CDH18: variants seen among roughly 807,000 people sequenced by gnomAD.
CDH18 encodes cadherin 18, also known as cadherin-18.
CDH18 carries 31 observed loss-of-function variants against 67.9 expected under a neutral mutation model. The observed-to-expected ratio is 0.46, with a 90% CI of 0.34 to 0.62. CDH18 has a LOEUF of 0.62. Among genes scored for constraint, CDH18 ranks in the 20% least tolerant of loss-of-function variants. The probability of loss-of-function intolerance (pLI) is 0.01; values close to 1 mark genes in which losing one functional copy is unlikely to be tolerated. For missense variants in CDH18, 890 were observed against 975.5 expected (o/e 0.91, Z 1.17); for synonymous variants, 362 against 347.2 (o/e 1.04, Z -0.48).
chr5:20,453,497 A>G (rs1378301996), intron 1 of CDH18, among the ~76,000 whole-genome samples: 1 of 152,044 alleles, frequency 6.6e-6, no homozygotes, highest in Non-Finnish European at 1.5e-5. Context: ...AGTGCAGAAG[A>G]AAGAAATAAT....
chr5:19,567,356 A>C (rs1233228710), intron 8 of CDH18, among the ~76,000 whole-genome samples: 1 of 152,228 alleles, frequency 6.6e-6, no homozygotes, highest in East Asian at 1.9e-4. Context: ...ACTGAAGTAC[A>C]AAAGTACAAT....
intron 3 of CDH18, among the ~76,000 whole-genome samples, chr5:19,754,310 G>GA (rs903970156): frequency 1.3e-5 from 2 of 152,046 alleles, no homozygotes; most frequent in East Asian, 1.9e-4. Context: ...GTAAAGTGGT[G>GA]AAAAAAAGAC....
Position 20,172,219 on chromosome 5 carries a change from T to TACAC in CDH18, c.-518+83224_-518+83225insGTGT, listed in dbSNP as rs1736843113. On this transcript the variant is annotated intron_variant, in intron 2 of 14. Coordinates refer to the CDH18 transcript ENST00000507958. ...ATATATATATATATATATATATATA[T>TACAC]ATATGTATATATATATATATGTATA... 3.5e-5 allele frequency among the ~76,000 whole-genome samples: 3 copies of TACAC among 84,550 alleles called. No homozygotes were observed. In the South Asian group the frequency reaches 1.2e-3, roughly 34 times the overall value. The allele number at this position is 84,550 out of a possible 152,430, so 55.5% of individuals were successfully genotyped here. A position where few individuals can be genotyped will look rare whatever the true frequency, so the allele number is the denominator to read the frequency against.
At chr5:20,221,841 C>T (rs924734758) in intron 2 of CDH18, among the ~76,000 whole-genome samples, 1 of 152,128 alleles carries the variant, frequency 6.6e-6, no homozygotes, top group African/African-American at 2.4e-5. Context: ...ATAACCTTTT[C>T]CAGGACCTTT....
intron 3 of CDH18, among the ~76,000 whole-genome samples, chr5:19,832,028 T>C (rs1046370763): frequency 2.6e-5 from 4 of 152,122 alleles, no homozygotes; most frequent in Non-Finnish European, 4.4e-5. Flanking sequence ...ATATGTATTC[T>C]CACTTGTAAG....
intron 2 of CDH18, among the ~76,000 whole-genome samples, chr5:19,851,614 T>A (rs1438797953): frequency 6.6e-6 from 1 of 151,824 alleles, no homozygotes; most frequent in Non-Finnish European, 1.5e-5. Flanking sequence ...ATCTAACAGT[T>A]TTTTGCCACA....
chr5:20,101,880 T>A lies in CDH18; in HGVS notation c.-517-109866A>T, dbSNP rs1200973122. Among the ~76,000 whole-genome samples, 4 of 152,162 alleles carry A rather than the reference T, an allele frequency of 2.6e-5. No individual in the cohort carries two copies. The East Asian group carries it at 7.7e-4, about 29-fold the overall frequency. On this transcript the variant is annotated intron_variant, in intron 2 of 14. Transcript: ENST00000507958. ...CAAGGTCAGGAGTTCGAGGCCATCC[T>A]GGCCAACATGGTGAAACCCCGTCTC... is the stretch of plus-strand genomic sequence containing the variant.
At chr5:20,095,874 T>A (rs1745948934) in intron 2 of CDH18, among the ~76,000 whole-genome samples, 1 of 151,260 alleles carries the variant, frequency 6.6e-6, no homozygotes, top group South Asian at 2.1e-4. Context: ...AATAAAATAA[T>A]TTAAATTAAA....
At chr5:20,504,080 C>A (rs1754510037) in intron 1 of CDH18, among the ~76,000 whole-genome samples, 1 of 151,152 alleles carries the variant, frequency 6.6e-6, no homozygotes, top group Non-Finnish European at 1.5e-5. Context: ...ACTGCTGCTA[C>A]AAAATTATTT....
At chr5:19,749,000 G>A (rs1382753526) in intron 3 of CDH18, among the ~76,000 whole-genome samples, 1 of 152,058 alleles carries the variant, frequency 6.6e-6, no homozygotes, top group East Asian at 1.9e-4. Context: ...CACTTCATTA[G>A]TAAATTGGAT....
intron 3 of CDH18, among the ~76,000 whole-genome samples, chr5:19,788,772 A>G (rs533259197): frequency 6.0e-4 from 92 of 152,316 alleles, no homozygotes; most frequent in African/African-American, 2.1e-3. Flanking sequence ...TTAAATACCA[A>G]TACATTATAG....
intron 2 of CDH18, among the ~76,000 whole-genome samples, chr5:20,104,034 A>T (rs1489716900): frequency 6.6e-6 from 1 of 151,004 alleles, no homozygotes; most frequent in Non-Finnish European, 1.5e-5. Context: ...TATCATTATG[A>T]ATATGACTAT....
At chr5:20,077,712 C>T (rs1744071126) in intron 2 of CDH18, among the ~76,000 whole-genome samples, 1 of 152,120 alleles carries the variant, frequency 6.6e-6, no homozygotes, top group Non-Finnish European at 1.5e-5. Flanking sequence ...TTTACTAAAG[C>T]TCTGCTTAAA....
chr5:19,814,357 T>A (rs1415480048), intron 3 of CDH18, among the ~76,000 whole-genome samples: 1 of 150,516 alleles, frequency 6.6e-6, no homozygotes, highest in African/African-American at 2.4e-5. Context: ...AATTATGTCC[T>A]AAAAAAAAAC....
intron 3 of CDH18, among the ~76,000 whole-genome samples, chr5:19,786,125 T>A (rs1775752229): frequency 6.6e-6 from 1 of 152,162 alleles, no homozygotes; most frequent in Non-Finnish European, 1.5e-5. Flanking sequence ...ATGCATATAT[T>A]ACTTATGATA....
intron 1 of CDH18, among the ~76,000 whole-genome samples, chr5:20,495,492 AACC>A (rs1193409222): frequency 1.3e-5 from 2 of 152,166 alleles, no homozygotes; most frequent in African/African-American, 2.4e-5. Flanking sequence ...TTCAGCAACA[AACC>A]ACAACTGAAG....
chr5:20,222,391 C>A (rs1052261049), intron 2 of CDH18, among the ~76,000 whole-genome samples: 10 of 152,064 alleles, frequency 6.6e-5, no homozygotes, highest in Non-Finnish European at 1.5e-4. Context: ...CAAGAAAAAA[C>A]AGACATTGAG....
At position 19,961,142 on chromosome 5, in the gene CDH18, G is replaced by T. The variant is rs1017770196; in HGVS notation, c.-257+19918C>A. Among the ~76,000 whole-genome samples, 4 of 135,748 alleles carry T rather than the reference G, an allele frequency of 2.9e-5. No homozygotes were observed. The East Asian group carries it at 8.7e-4, about 29-fold the overall frequency. 89.1% of individuals were successfully genotyped at this position (135,748 alleles called of 152,430 possible). On this transcript the variant is annotated intron_variant, in intron 2 of 12. Transcript: ENST00000382275. ...TTTTGAGATGGAGTCTCATTCTGTC[G>T]CCCAGGCTGGAGTGCAGTGGCGCGA... is the stretch of plus-strand genomic sequence containing the variant.
chr5:20,194,922 T>C (rs1367456599), intron 2 of CDH18, among the ~76,000 whole-genome samples: 1 of 152,088 alleles, frequency 6.6e-6, no homozygotes, highest in Non-Finnish European at 1.5e-5. Context: ...CTAGTTAAAA[T>C]AGTCAGATTC....
Sources: gnomAD v4.1 joint callset for allele counts (sites outside exome capture counted in the v4.1 genomes callset) on GRCh38, gnomAD v4.1.1 for gene constraint, MANE v1.5 for transcripts, NCBI Gene and HGNC (gene_info 2026-07-23, HGNC 2026-07-21) for gene names.